SCN8A: variants seen among roughly 807,000 people sequenced by gnomAD.
The protein encoded by SCN8A is sodium voltage-gated channel alpha subunit 8, also known as sodium channel protein type 8 subunit alpha.
Under a neutral mutation model 184.1 loss-of-function variants are expected in SCN8A, and 30 were observed. That is an observed-to-expected ratio of 0.16 (90% CI 0.12 to 0.22). SCN8A has a LOEUF of 0.22. Among genes scored for constraint, SCN8A ranks in the 10% least tolerant of loss-of-function variants. SCN8A has a pLI of 1.00. For missense variants in SCN8A, 1,057 were observed against 2,498.9 expected, an observed-to-expected ratio of 0.42 and a Z score of 12.30; for synonymous variants, 852 against 907.0, an observed-to-expected ratio of 0.94 and a Z score of 1.09.
At chr12:51,762,363 C>A in intron 14 of SCN8A, 140 bp from the exon 15 acceptor site, 1 of 761,264 alleles carries the variant, frequency 1.3e-6, no homozygotes, top group Non-Finnish European at 2.1e-6. Context: ...ATGAGACATC[C>A]AGGTATTGAT....
chr12:51,767,728 C>T (rs1284957290), intron 16 of SCN8A, among the ~76,000 whole-genome samples: 2 of 152,194 alleles, frequency 1.3e-5, no homozygotes, highest in African/African-American at 4.8e-5. Context: ...CCCTCACTCC[C>T]TGAGATTCTA....
At chr12:51,748,950 A>G (rs1379442958) in intron 13 of SCN8A, among the ~76,000 whole-genome samples, 1 of 152,192 alleles carries the variant, frequency 6.6e-6, no homozygotes, top group Non-Finnish European at 1.5e-5. Context: ...TTCTGAAAAC[A>G]ATTCCCAGTA....
intron 12 of SCN8A, among the ~76,000 whole-genome samples, chr12:51,738,799 G>A (rs1369982949): frequency 6.6e-6 from 1 of 152,286 alleles, no homozygotes; most frequent in East Asian, 1.9e-4. Context: ...TATTGTCCCT[G>A]CTGGCAAGGG....
chr12:51,794,148 GA>G (rs987683553), intron 25 of SCN8A, among the ~76,000 whole-genome samples: 1 of 152,090 alleles, frequency 6.6e-6, no homozygotes, highest in Admixed American at 6.5e-5. Context: ...TGTGTCTCAA[GA>G]AAAACAAACA....
At chr12:51,704,697 G>A (rs895205121) in intron 9 of SCN8A, among the ~76,000 whole-genome samples, 17 of 150,162 alleles carry the variant, frequency 1.1e-4, no homozygotes, top group Non-Finnish European at 1.8e-4. Flanking sequence ...AAATGGGTCC[G>A]GGCGTGGTGG....
At chr12:51,622,522 A>G (rs1156983681) in intron 1 of SCN8A, among the ~76,000 whole-genome samples, 1 of 152,132 alleles carries the variant, frequency 6.6e-6, no homozygotes, top group Non-Finnish European at 1.5e-5. Flanking sequence ...ACACCCCTCA[A>G]TTTAGGTTTG....
At chr12:51,749,045 A>T (rs571184047) in intron 13 of SCN8A, among the ~76,000 whole-genome samples, 1 of 152,246 alleles carries the variant, frequency 6.6e-6, no homozygotes, top group African/African-American at 2.4e-5. Context: ...TGGACATCTC[A>T]CCCCTAGATG....
At chr12:51,710,920 T>A (rs923591820) in intron 11 of SCN8A, among the ~76,000 whole-genome samples, 3 of 152,248 alleles carry the variant, frequency 2.0e-5, no homozygotes, top group Non-Finnish European at 4.4e-5. Context: ...TATGCTCATA[T>A]CCTCTTCTCT....
chr12:51,743,543 T>C (rs374124865), intron 12 of SCN8A, among the ~76,000 whole-genome samples: 2 of 152,240 alleles, frequency 1.3e-5, no homozygotes, highest in African/African-American at 4.8e-5. Context: ...TCTCTTTTTC[T>C]GTGCTGAGCC....
At chr12:51,679,721 C>CTTTTGTTT (rs1941293368) in intron 2 of SCN8A, among the ~76,000 whole-genome samples, 1 of 85,510 alleles carries the variant, frequency 1.2e-5, no homozygotes, top group Non-Finnish European at 2.3e-5. Context: ...ACTATCTTGC[C>CTTTTGTTT]TTTTTTTTTT....
At chr12:51,778,986 C>T (rs941451818) in intron 20 of SCN8A, among the ~76,000 whole-genome samples, 1 of 152,010 alleles carries the variant, frequency 6.6e-6, no homozygotes, top group Non-Finnish European at 1.5e-5. Flanking sequence ...GAGGCCAAGG[C>T]AGGCGAATCA....
chr12:51,695,228 A>G (rs1355864415), intron 6 of SCN8A, among the ~76,000 whole-genome samples: 1 of 152,204 alleles, frequency 6.6e-6, no homozygotes, highest in Non-Finnish European at 1.5e-5. Flanking sequence ...TGTGAAGTAT[A>G]AGCAGCTGAA....
chr12:51,688,725 C>G, intron 5 of SCN8A: 1 of 1,479,652 alleles, frequency 6.8e-7, no homozygotes, highest in Non-Finnish European at 9.5e-7. Flanking sequence ...CCCAGTGGTA[C>G]CATTACAAGT....
chr12:51,606,774 G>A (rs1939601745), intron 1 of SCN8A, among the ~76,000 whole-genome samples: 1 of 151,756 alleles, frequency 6.6e-6, no homozygotes, highest in Non-Finnish European at 1.5e-5. Context: ...CAGCAGTTTT[G>A]TAGTTTTCTT....
At chr12:51,604,507 T>G (rs1194999968) in intron 1 of SCN8A, among the ~76,000 whole-genome samples, 1 of 152,096 alleles carries the variant, frequency 6.6e-6, no homozygotes, top group Non-Finnish European at 1.5e-5. Flanking sequence ...GTTTTTTGTT[T>G]TTTTAACGGG....
intron 1 of SCN8A, among the ~76,000 whole-genome samples, chr12:51,642,621 G>A (rs1019438374): frequency 6.6e-6 from 1 of 151,934 alleles, no homozygotes; most frequent in African/African-American, 2.4e-5. Context: ...ATTTATAGTT[G>A]TATACCACTT....
intron 12 of SCN8A, among the ~76,000 whole-genome samples, chr12:51,726,726 T>C (rs184396315): frequency 2.7e-4 from 41 of 152,356 alleles, no homozygotes; most frequent in African/African-American, 9.9e-4. Flanking sequence ...TGGCCCATTC[T>C]TGCTGTTCAG....
Position 51,765,819 on chromosome 12 carries a change from G to A in SCN8A, c.2693G>A (p.Gly898Glu). ...GCCGTGGTGGGGATGCAACTCTTTGGAAAAAGCTACAAAGAGTGTGTCTGC... is the reference window on the plus strand; with the variant it reads ...GCCGTGGTGGGGATGCAACTCTTTGAAAAAAGCTACAAAGAGTGTGTCTGC... ...IFAVVGMQLF[G>E]KSYKECVCKI... The change falls in exon 16 of 27, where the codon GGA (glycine) becomes GAA (glutamate). Residue 898 changes from glycine to glutamate, a missense_variant. Around this residue, in one of 19 missense-constraint regions of SCN8A, gnomAD observed 66 missense variants for 310.6 expected, o/e 0.21. Transcript: ENST00000627620. The A allele has an allele frequency of 6.2e-7, 1 of 1,613,916 alleles. No homozygotes were observed. The highest frequency in any genetic ancestry group is 8.5e-7 in the Non-Finnish European group (1 of 1,179,940).
chr12:51,694,125 G>T (rs529640911), intron 6 of SCN8A, among the ~76,000 whole-genome samples: 1 of 152,214 alleles, frequency 6.6e-6, no homozygotes, highest in African/African-American at 2.4e-5. Context: ...TAGAGATGGG[G>T]TTTCACCATG....
Sources: allele counts gnomAD v4.1 joint callset (sites outside exome capture counted in the v4.1 genomes callset), GRCh38; gene constraint gnomAD v4.1.1; regional missense constraint gnomAD v4.1.1; transcripts MANE v1.5; gene names NCBI Gene and HGNC (gene_info 2026-07-23, HGNC 2026-07-21).